Variants in SATB2 observed in about 807,000 individuals in gnomAD.
SATB2 encodes DNA-binding protein SATB2.
A neutral mutation model predicts 73.4 loss-of-function variants in SATB2; 1 was observed. The ratio of observed to expected loss-of-function variants is 0.01; its 90% confidence interval spans 0.00 to 0.06. The LOEUF is 0.06. Ranked by LOEUF, SATB2 falls within the 10% of genes least tolerant of loss-of-function variation. SATB2 has a pLI of 1.00. For missense variants in SATB2, 459 were observed against 945.8 expected (o/e 0.49, Z 6.75); for synonymous variants, 397 against 367.0 (o/e 1.08, Z -0.93).
intron 4 of SATB2, among the ~76,000 whole-genome samples, chr2:199,380,997 T>C (rs908025683): frequency 1.3e-5 from 2 of 152,128 alleles, no homozygotes; most frequent in African/African-American, 2.4e-5. Flanking sequence ...ATATTTAAAG[T>C]ATAAATTGCC....
At chr2:199,403,261 A>G (rs997060199) in intron 3 of SATB2, among the ~76,000 whole-genome samples, 1 of 152,160 alleles carries the variant, frequency 6.6e-6, no homozygotes, top group African/African-American at 2.4e-5. Flanking sequence ...AAGGATTAAA[A>G]ATTAATGCCA....
chr2:199,320,411 G>A (rs1196983926), intron 9 of SATB2, among the ~76,000 whole-genome samples: 2 of 152,170 alleles, frequency 1.3e-5, no homozygotes, highest in Non-Finnish European at 2.9e-5. Context: ...GGCGAAATGT[G>A]TATAAACATG....
At chr2:199,295,647 A>G (rs991014936) in intron 10 of SATB2, among the ~76,000 whole-genome samples, 15 of 152,164 alleles carry the variant, frequency 9.9e-5, no homozygotes, top group African/African-American at 2.7e-4. Flanking sequence ...TGCTTCCCAG[A>G]CTTGCTCACT....
At chr2:199,379,553 A>G (rs553289027) in intron 5 of SATB2, among the ~76,000 whole-genome samples, 1 of 152,290 alleles carries the variant, frequency 6.6e-6, no homozygotes, top group African/African-American at 2.4e-5. Context: ...ATGCTTAGGC[A>G]GTGAATGTAA....
intron 2 of SATB2, among the ~76,000 whole-genome samples, chr2:199,433,937 A>T (rs1370680097): frequency 6.6e-6 from 1 of 151,962 alleles, no homozygotes; most frequent in Admixed American, 6.6e-5. Flanking sequence ...TAAAAGTAAT[A>T]TATTTCTCTT....
chr2:199,295,623 G>C (rs1474618987), intron 10 of SATB2, among the ~76,000 whole-genome samples: 2 of 152,162 alleles, frequency 1.3e-5, no homozygotes, highest in Non-Finnish European at 2.9e-5. Context: ...TTCCTCCTCT[G>C]ACAAGCCACA....
chr2:199,333,230 G>A (rs1688239690), intron 7 of SATB2, among the ~76,000 whole-genome samples: 2 of 152,018 alleles, frequency 1.3e-5, no homozygotes, highest in Non-Finnish European at 2.9e-5. Flanking sequence ...GAGGGATGAA[G>A]AGACTTAATA....
chr2:199,354,552 G>A (rs1436370358), intron 6 of SATB2, among the ~76,000 whole-genome samples: 2 of 152,142 alleles, frequency 1.3e-5, no homozygotes, highest in Non-Finnish European at 2.9e-5. Flanking sequence ...TTAAGAAACC[G>A]TCAAGGCAAG....
At chr2:199,375,196 T>C (rs1193977083) in intron 5 of SATB2, among the ~76,000 whole-genome samples, 2 of 152,070 alleles carry the variant, frequency 1.3e-5, no homozygotes, top group Admixed American at 1.3e-4. Flanking sequence ...GATGCAATCA[T>C]AAGGTTTTCA....
At chr2:199,375,190 C>T in intron 5 of SATB2, among the ~76,000 whole-genome samples, 1 of 152,030 alleles carries the variant, frequency 6.6e-6, no homozygotes, top group Admixed American at 6.5e-5. Flanking sequence ...CAGAAAGATG[C>T]AATCATAAGG....
At chr2:199,379,681 TC>T (rs1459266303) in intron 5 of SATB2, among the ~76,000 whole-genome samples, 3 of 94,298 alleles carry the variant, frequency 3.2e-5, no homozygotes, top group Middle Eastern at 6.3e-3. Context: ...TCTTTTCTTT[TC>T]TTTTTTTTTT....
At position 199,349,000 on chromosome 2, in the gene SATB2, T is replaced by G; in HGVS notation, c.874A>C (p.Ile292Leu). ...GGAGAAAGAAGACCAGGGCTCATGA[T>G]GGGCTGTAATGCGGGCACTTGGTTT... ...IRNQVPALQP[I>L]MSPGLLSPQL... Residue 292 changes from isoleucine (I) to leucine (L), a missense_variant, in exon 7 of 11, where the codon ATC (isoleucine) becomes CTC (leucine). Coordinates refer to ENST00000417098, the MANE Select transcript of SATB2 (RefSeq NM_001172509.2). 6.2e-7 allele frequency: 1 copy of G among 1,614,152 alleles called. No individual in the cohort carries two copies. Among genetic ancestry groups the G allele is most frequent in the Non-Finnish European group, 8.5e-7 (1 of 1,179,988 alleles).
At position 199,386,708 on chromosome 2, in the gene SATB2, GCGCGCGCGCACACACACACACA is replaced by G. The variant is rs747556425; in HGVS notation, c.347-4910_347-4889del. On this transcript the variant is annotated intron_variant, in intron 3 of 10. Coordinates refer to ENST00000417098, the MANE Select transcript of SATB2 (RefSeq NM_001172509.2). The stretch of plus-strand genomic sequence containing the variant: ...TACACGTGCGCAAGCGCGCGCGCGC[GCGCGCGCGCACACACACACACA>G]CACACACACACACACACACACACAC... Among the ~76,000 whole-genome samples the G allele has an allele frequency of 5.6e-3, 258 of 45,886 alleles. 2 individuals carry two copies. The highest frequency in any genetic ancestry group is 0.039 in the South Asian group (71 of 1,820). 30.1% of individuals were successfully genotyped at this position (45,886 alleles called of 152,430 possible). A position where few individuals can be genotyped will look rare whatever the true frequency, so the allele number is the denominator to read the frequency against.
At chr2:199,300,774 T>C (rs1301517580) in intron 10 of SATB2, among the ~76,000 whole-genome samples, 2 of 152,002 alleles carry the variant, frequency 1.3e-5, no homozygotes, top group African/African-American at 2.4e-5. Context: ...TAAAGAAACA[T>C]AGCAATAATG....
chr2:199,295,806 C>A (rs1278231310), intron 10 of SATB2, among the ~76,000 whole-genome samples: 1 of 152,094 alleles, frequency 6.6e-6, no homozygotes, highest in Non-Finnish European at 1.5e-5. Flanking sequence ...GATCTGGAAA[C>A]AACTTGTGAG....
intron 6 of SATB2, among the ~76,000 whole-genome samples, chr2:199,350,674 G>A (rs1191015637): frequency 6.6e-6 from 1 of 152,088 alleles, no homozygotes; most frequent in Non-Finnish European, 1.5e-5. Flanking sequence ...GTGAACACCC[G>A]TCTTGGTATC....
chr2:199,386,353 G>A (rs915940734), intron 3 of SATB2, among the ~76,000 whole-genome samples: 2 of 152,082 alleles, frequency 1.3e-5, no homozygotes, highest in African/African-American at 2.4e-5. Context: ...GACTGCAGGT[G>A]GATTAAAAAC....
At chr2:199,369,322 A>G (rs961522277) in intron 5 of SATB2, among the ~76,000 whole-genome samples, 3 of 152,170 alleles carry the variant, frequency 2.0e-5, no homozygotes, top group African/African-American at 7.2e-5. Context: ...GCTTAGGTGC[A>G]TGATTCTTCC....
chr2:199,304,589 C>G (rs1461739030), intron 10 of SATB2, among the ~76,000 whole-genome samples: 2 of 152,092 alleles, frequency 1.3e-5, no homozygotes, highest in African/African-American at 4.8e-5. Flanking sequence ...GGGCCACAAA[C>G]CACTGTGAAT....
Sources: allele counts gnomAD v4.1 joint callset (sites outside exome capture counted in the v4.1 genomes callset), GRCh38; gene constraint gnomAD v4.1.1; transcripts MANE v1.5; gene names NCBI Gene and HGNC (gene_info 2026-07-23, HGNC 2026-07-21).